Variants in SESTD1 observed in about 807,000 individuals in gnomAD.
The protein encoded by SESTD1 is SEC14 and spectrin domain containing 1.
A neutral mutation model predicts 101.7 loss-of-function variants in SESTD1; 43 were observed. The observed-to-expected ratio is 0.42, with a 90% CI of 0.33 to 0.55. The LOEUF (loss-of-function observed/expected upper bound fraction) is 0.55, where lower values mean the gene tolerates loss of function less well. Among genes scored for constraint, SESTD1 ranks in the 20% least tolerant of loss-of-function variants. The pLI is 0.07. For synonymous variants in SESTD1, 283 were observed against 286.8 expected (o/e 0.99, Z 0.13); for missense variants, 647 against 815.1 (o/e 0.79, Z 2.51).
At chr2:179,182,532 T>G (rs2046133115) in intron 3 of SESTD1, among the ~76,000 whole-genome samples, 1 of 151,836 alleles carries the variant, frequency 6.6e-6, no homozygotes, top group African/African-American at 2.4e-5. Context: ...GAAGCTTTAT[T>G]TTTTTTTGTT....
intron 9 of SESTD1, among the ~76,000 whole-genome samples, chr2:179,137,760 T>C (rs2045183581): frequency 6.6e-6 from 1 of 152,220 alleles, no homozygotes; most frequent in South Asian, 2.1e-4. Context: ...AAGCAATTGA[T>C]TCCTCTTGCA....
intron 15 of SESTD1, 85 bp from the exon 16 acceptor site, chr2:179,115,341 CAGTT>C: frequency 9.6e-7 from 1 of 1,042,046 alleles, no homozygotes; most frequent in Non-Finnish European, 1.4e-6. Flanking sequence ...ATTGTCGTTA[CAGTT>C]AAGTGACACT....
intron 4 of SESTD1, among the ~76,000 whole-genome samples, chr2:179,175,131 C>T (rs2105477736): frequency 6.6e-6 from 1 of 152,174 alleles, no homozygotes; most frequent in South Asian, 2.1e-4. Flanking sequence ...TACTAAGTTC[C>T]AATTTTAAGT....
chr2:179,263,516 G>A (rs200975395), intron 1 of SESTD1, among the ~76,000 whole-genome samples: 3 of 152,194 alleles, frequency 2.0e-5, no homozygotes, highest in East Asian at 1.9e-4. Flanking sequence ...GGTTTGCCAA[G>A]CTATGCTGGG....
At chr2:179,122,030 T>C (rs2044764910) in intron 12 of SESTD1, 101 bp from the exon 13 acceptor site, 6 of 1,226,214 alleles carry the variant, frequency 4.9e-6, no homozygotes, top group South Asian at 1.8e-5. Context: ...ATCCCAAGTA[T>C]AGGAGCTTTG....
In SESTD1 at chr2:179,109,458, C is replaced by T. The variant is rs1324629416; in HGVS notation, c.*441G>A. Reference sequence around the variant, plus strand: ...AAAAATAATCAATTCTGAAGAATTACAAAGTAAAATTTTGAGGACACCACT... The same window carrying T: ...AAAAATAATCAATTCTGAAGAATTATAAAGTAAAATTTTGAGGACACCACT... On this transcript the variant is annotated 3_prime_UTR_variant, in exon 18 of 18. Transcript: ENST00000428443. The T allele has an allele frequency of 2.8e-6, 1 of 360,060 alleles. No homozygotes were observed. Among genetic ancestry groups the T allele is most frequent in the East Asian group, 4.0e-5 (1 of 24,904 alleles). 22.3% of individuals were successfully genotyped at this position (360,060 alleles called of 1,614,324 possible). A position where few individuals can be genotyped will look rare whatever the true frequency, so the allele number is the denominator to read the frequency against.
chr2:179,138,473 T>C (rs7588135), intron 9 of SESTD1, among the ~76,000 whole-genome samples: 2 of 152,136 alleles, frequency 1.3e-5, no homozygotes, highest in Non-Finnish European at 2.9e-5. Context: ...ATTTTTGTGA[T>C]GTGAAAGTTG....
chr2:179,187,506 T>C (rs936364521), intron 2 of SESTD1, among the ~76,000 whole-genome samples: 1 of 152,138 alleles, frequency 6.6e-6, no homozygotes, highest in African/African-American at 2.4e-5. Flanking sequence ...TGATGGCACA[T>C]GCCTGTGGTC....
intron 1 of SESTD1, among the ~76,000 whole-genome samples, chr2:179,223,293 T>C (rs1020998520): frequency 3.3e-5 from 5 of 151,546 alleles, no homozygotes; most frequent in African/African-American, 1.2e-4. Context: ...GTATGGAGAG[T>C]GACTGGTAAT....
intron 3 of SESTD1, among the ~76,000 whole-genome samples, chr2:179,182,803 CTA>C (rs1171310338): frequency 6.6e-6 from 1 of 152,012 alleles, no homozygotes; most frequent in Non-Finnish European, 1.5e-5. Flanking sequence ...TCCAATTTTC[CTA>C]AAGTTACATG....
intron 1 of SESTD1, among the ~76,000 whole-genome samples, chr2:179,207,740 G>A (rs959563927): frequency 7.4e-6 from 1 of 134,760 alleles, no homozygotes; most frequent in Non-Finnish European, 1.6e-5. Flanking sequence ...CTGAGTTCCA[G>A]ATCTTTCCAC....
chr2:179,198,515 C>A (rs1402858333), intron 1 of SESTD1, among the ~76,000 whole-genome samples: 1 of 151,990 alleles, frequency 6.6e-6, no homozygotes, highest in African/African-American at 2.4e-5. Context: ...TTTTTCAGCA[C>A]CACACCACAC....
chr2:179,141,493 T>A (rs190154169), intron 9 of SESTD1, among the ~76,000 whole-genome samples: 4 of 151,480 alleles, frequency 2.6e-5, no homozygotes, highest in Non-Finnish European at 5.9e-5. Context: ...GACAATGTCA[T>A]ACTATTGTAG....
chr2:179,132,148 TA>T, intron 10 of SESTD1, 155 bp downstream of exon 10: 1 of 763,482 alleles, frequency 1.3e-6, no homozygotes, highest in Non-Finnish European at 1.9e-6. Context: ...ATGTACTAAG[TA>T]ATCAAAATGT....
At chr2:179,127,965 CTT>C (rs2044914999) in intron 10 of SESTD1, among the ~76,000 whole-genome samples, 1 of 152,130 alleles carries the variant, frequency 6.6e-6, no homozygotes, top group South Asian at 2.1e-4. Flanking sequence ...AGGCTTAACT[CTT>C]TGAAGACGTA....
chr2:179,169,743 A>G (rs575977261), intron 5 of SESTD1, among the ~76,000 whole-genome samples: 9 of 152,212 alleles, frequency 5.9e-5, no homozygotes, highest in African/African-American at 1.9e-4. Flanking sequence ...GCACTTTGGG[A>G]GGCCGAGGTG....
intron 2 of SESTD1, among the ~76,000 whole-genome samples, chr2:179,188,195 G>C (rs1032361026): frequency 4.6e-5 from 7 of 151,988 alleles, no homozygotes; most frequent in Admixed American, 2.0e-4. Flanking sequence ...TGCAAGTCTT[G>C]ATAAATAAAA....
At chr2:179,170,125 G>C (rs55727277) in intron 5 of SESTD1, among the ~76,000 whole-genome samples, 1 of 151,322 alleles carries the variant, frequency 6.6e-6, no homozygotes, top group Admixed American at 6.6e-5. Context: ...TTGTGACCTT[G>C]AGTAAGGCAA....
intron 1 of SESTD1, among the ~76,000 whole-genome samples, chr2:179,192,719 A>G (rs907319456): frequency 6.6e-6 from 1 of 152,226 alleles, no homozygotes; most frequent in Non-Finnish European, 1.5e-5. Context: ...CCAGCCCAGT[A>G]TACCATCAAA....
Sources: allele counts gnomAD v4.1 joint callset (sites outside exome capture counted in the v4.1 genomes callset), GRCh38; gene constraint gnomAD v4.1.1; transcripts MANE v1.5; gene names NCBI Gene and HGNC (gene_info 2026-07-23, HGNC 2026-07-21).